Variants in PRKG1 observed in about 807,000 individuals in gnomAD.
PRKG1 encodes cGMP-dependent protein kinase 1.
A neutral mutation model predicts 88.1 loss-of-function variants in PRKG1; 35 were observed. The ratio of observed to expected loss-of-function variants is 0.40; its 90% CI spans 0.30 to 0.53. The LOEUF is 0.53. PRKG1 is among the 20% of genes least tolerant of loss of function. The pLI is 0.59. For missense variants in PRKG1, 540 were observed against 839.8 expected (o/e 0.64, Z 4.41); for synonymous variants, 303 against 292.5 (o/e 1.04, Z -0.37).
At chr10:52,018,548 TCAAACAAATGAA>T (rs1353749439) in intron 5 of PRKG1, among the ~76,000 whole-genome samples, 1 of 152,162 alleles carries the variant, frequency 6.6e-6, no homozygotes, top group Admixed American at 6.5e-5. Context: ...ACCAAAACAG[TCAAACAAATGAA>T]CAAACAACAA....
intron 5 of PRKG1, among the ~76,000 whole-genome samples, chr10:52,005,219 G>A (rs1237104806): frequency 1.3e-5 from 2 of 150,592 alleles, no homozygotes; most frequent in East Asian, 1.9e-4. Context: ...ATAGCAATGT[G>A]GCTTATGGAT....
At chr10:52,070,964 G>C (rs903691938) in intron 7 of PRKG1, among the ~76,000 whole-genome samples, 1 of 152,140 alleles carries the variant, frequency 6.6e-6, no homozygotes, top group Non-Finnish European at 1.5e-5. Flanking sequence ...TTCATGGTTT[G>C]TAAAAGTAGA....
chr10:51,388,903 CAA>C (rs1276259591), intron 2 of PRKG1, among the ~76,000 whole-genome samples: 2 of 152,138 alleles, frequency 1.3e-5, no homozygotes, highest in African/African-American at 4.8e-5. Flanking sequence ...GCAATAAAGA[CAA>C]ATTATGAATT....
At chr10:51,765,047 G>C (rs770041969) in intron 3 of PRKG1, among the ~76,000 whole-genome samples, 1 of 152,202 alleles carries the variant, frequency 6.6e-6, no homozygotes, top group Non-Finnish European at 1.5e-5. Flanking sequence ...GCCCAACTTA[G>C]AGTATTTGGT....
intron 2 of PRKG1, among the ~76,000 whole-genome samples, chr10:51,204,788 T>A (rs2132061413): frequency 6.6e-6 from 1 of 152,300 alleles, no homozygotes; most frequent in South Asian, 2.1e-4. Flanking sequence ...GAGATGTGAA[T>A]GTGCTTGTCT....
intron 3 of PRKG1, among the ~76,000 whole-genome samples, chr10:51,542,373 A>C (rs1436011102): frequency 6.6e-6 from 1 of 152,148 alleles, no homozygotes; most frequent in African/African-American, 2.4e-5. Context: ...TAATAATCTT[A>C]TGATGGAGAT....
intron 3 of PRKG1, among the ~76,000 whole-genome samples, chr10:51,794,259 A>G (rs960301999): frequency 2.0e-5 from 3 of 152,168 alleles, no homozygotes; most frequent in Non-Finnish European, 4.4e-5. Flanking sequence ...ATAGTAGAAG[A>G]CAGAAGACTT....
chr10:51,986,633 A>G (rs1844164072), intron 5 of PRKG1, among the ~76,000 whole-genome samples: 3 of 152,212 alleles, frequency 2.0e-5, no homozygotes, highest in Admixed American at 6.5e-5. Flanking sequence ...ACCTGCTCCA[A>G]CATGAACTAT....
intron 2 of PRKG1, among the ~76,000 whole-genome samples, chr10:51,275,774 A>G (rs932354642): frequency 6.6e-6 from 1 of 152,074 alleles, no homozygotes; most frequent in African/African-American, 2.4e-5. Flanking sequence ...GACCTGTGAC[A>G]CTGTAGGCAA....
intron 4 of PRKG1, among the ~76,000 whole-genome samples, chr10:51,846,447 G>T (rs1840400367): frequency 6.6e-6 from 1 of 152,078 alleles, no homozygotes; most frequent in African/African-American, 2.4e-5. Context: ...CATCATCAAA[G>T]AAATAAAAGA....
At chr10:51,959,739 G>A (rs1057160026) in intron 5 of PRKG1, among the ~76,000 whole-genome samples, 4 of 152,098 alleles carry the variant, frequency 2.6e-5, no homozygotes, top group African/African-American at 9.7e-5. Flanking sequence ...AGGTGAAGGA[G>A]ATTGAAGTAT....
At chr10:51,164,061 A>G (rs1046051711) in intron 2 of PRKG1, among the ~76,000 whole-genome samples, 2 of 152,200 alleles carry the variant, frequency 1.3e-5, no homozygotes, top group African/African-American at 4.8e-5. Flanking sequence ...CCCAGCATGC[A>G]GCTGGAGATC....
chr10:51,395,659 A>G (rs1040410256), intron 2 of PRKG1, among the ~76,000 whole-genome samples: 1 of 152,238 alleles, frequency 6.6e-6, no homozygotes, highest in Non-Finnish European at 1.5e-5. Flanking sequence ...GGAGAATTGA[A>G]TGGCTGAGTA....
intron 3 of PRKG1, among the ~76,000 whole-genome samples, chr10:51,802,974 G>A (rs1839213408): frequency 6.6e-6 from 1 of 152,068 alleles, no homozygotes; most frequent in Non-Finnish European, 1.5e-5. Flanking sequence ...TTCCAACTGT[G>A]CTCTTGTTTA....
chr10:51,729,351 G>C (rs1451567402), intron 3 of PRKG1, among the ~76,000 whole-genome samples: 1 of 152,100 alleles, frequency 6.6e-6, no homozygotes, highest in Non-Finnish European at 1.5e-5. Flanking sequence ...TAGTGGAAAG[G>C]TGAAAAGATA....
At chr10:51,080,992 A>G (rs1844094804) in intron 1 of PRKG1, among the ~76,000 whole-genome samples, 1 of 152,250 alleles carries the variant, frequency 6.6e-6, no homozygotes, top group Admixed American at 6.5e-5. Context: ...CTTCAGCTAC[A>G]CAAAACAGAT....
At chr10:51,949,961 G>A (rs1382533378) in intron 5 of PRKG1, among the ~76,000 whole-genome samples, 1 of 152,176 alleles carries the variant, frequency 6.6e-6, no homozygotes, top group African/African-American at 2.4e-5. Flanking sequence ...TTCAAGGAAA[G>A]CATTTCAGTT....
intron 9 of PRKG1, among the ~76,000 whole-genome samples, chr10:52,219,692 T>C (rs988761871): frequency 3.3e-5 from 5 of 152,180 alleles, no homozygotes; most frequent in African/African-American, 9.7e-5. Flanking sequence ...CATCCTCTTG[T>C]TATTTATTGT....
chr10:52,100,285 G>A (rs988340988), intron 7 of PRKG1, among the ~76,000 whole-genome samples: 1 of 152,158 alleles, frequency 6.6e-6, no homozygotes, highest in African/African-American at 2.4e-5. Flanking sequence ...CTCTAGGGAA[G>A]CGTTAAGACA....
Sources: allele counts gnomAD v4.1 joint callset (sites outside exome capture counted in the v4.1 genomes callset), GRCh38; gene constraint gnomAD v4.1.1; transcripts MANE v1.5; gene names NCBI Gene and HGNC (gene_info 2026-07-23, HGNC 2026-07-21).